HEATR4: variants seen among roughly 807,000 people sequenced by gnomAD.
The protein encoded by HEATR4 is HEAT repeat-containing protein 4.
Under a neutral mutation model 108.8 loss-of-function variants are expected in HEATR4, and 95 were observed. That is an observed-to-expected ratio of 0.87 (90% CI 0.74 to 1.04). The LOEUF (loss-of-function observed/expected upper bound fraction) is 1.04. HEATR4 is among the 50% of genes least tolerant of loss of function. The probability of loss-of-function intolerance (pLI) is 0.00; values close to 1 mark genes in which losing one functional copy is unlikely to be tolerated. For missense variants in HEATR4, 1,152 were observed against 1,253.8 expected (o/e 0.92, Z 1.23); for synonymous variants, 443 against 459.4 (o/e 0.96, Z 0.46).
At position 73,493,124 on chromosome 14, in the gene HEATR4, T is replaced by C; in HGVS notation, c.2786A>G (p.Asp929Gly). The C allele has an allele frequency of 1.2e-6, 2 of 1,612,826 alleles. No homozygotes were observed. The highest frequency in any genetic ancestry group is 1.7e-5 in the Admixed American group (1 of 59,774). The part of the protein sequence containing the change: ...LQTLLQETFQ[D>G]EMVLPRRPSE... ...AGGTCTTCTAGGAAGAACCATCTCA[T>C]CTAGGTACAAAAGGAAAAGGAGAAG... The change falls in exon 17 of 18, where the codon GAT becomes GGT. Residue 929 changes from aspartate to glycine, a missense_variant and splice_region_variant. Coordinates refer to ENST00000553558, the MANE Select transcript of HEATR4 (RefSeq NM_001220484.1).
the HEATR4 span, among the ~76,000 whole-genome samples, chr14:73,625,850 C>T: frequency 4.6e-5 from 7 of 152,148 alleles, no homozygotes; most frequent in Admixed American, 2.0e-4. Context: ...TGAGACAAAA[C>T]AATATTGGAA....
chr14:73,603,344 T>G, the HEATR4 span, among the ~76,000 whole-genome samples: 11 of 151,482 alleles, frequency 7.3e-5, no homozygotes, highest in East Asian at 3.9e-4. Context: ...CAATAATCTG[T>G]TTTTTTTGTT....
chr14:73,478,863 A>C (rs761592878), intron 17 of HEATR4, 21 bp from the exon 18 acceptor site: 7 of 1,564,508 alleles, frequency 4.5e-6, no homozygotes, highest in Non-Finnish European at 6.1e-6. Context: ...ACATGAAAAC[A>C]TGAGTGCATA....
chr14:73,590,274 A>G, the HEATR4 span, among the ~76,000 whole-genome samples: 5 of 152,160 alleles, frequency 3.3e-5, no homozygotes, highest in African/African-American at 1.2e-4. Context: ...TCCCCACTAG[A>G]TTAGCTAGAT....
chr14:73,508,915 G>A (rs1887024663), intron 8 of HEATR4, among the ~76,000 whole-genome samples: 1 of 151,834 alleles, frequency 6.6e-6, no homozygotes, highest in African/African-American at 2.4e-5. Context: ...GCACCATTGT[G>A]GCTTATTGCA....
chr14:73,579,966 T>TG, the HEATR4 span, among the ~76,000 whole-genome samples: 1 of 151,994 alleles, frequency 6.6e-6, no homozygotes, highest in South Asian at 2.1e-4. Context: ...CACATGGTGG[T>TG]GTGCACCTGT....
At chr14:73,478,865 G>T (rs1429878626) in intron 17 of HEATR4, 23 bp from the exon 18 acceptor site, 27 of 1,564,100 alleles carry the variant, frequency 1.7e-5, no homozygotes, top group Non-Finnish European at 2.4e-5. Context: ...ATGAAAACAT[G>T]AGTGCATATG....
intron 1 of HEATR4, chr14:73,541,673 A>G: frequency 8.0e-7 from 1 of 1,243,186 alleles, no homozygotes. Flanking sequence ...GAAGCTGTGA[A>G]CTACTTGCTC....
In HEATR4 at chr14:73,512,132, C is replaced by G. The variant is rs767885082; in HGVS notation, c.1432G>C (p.Glu478Gln). The part of the protein sequence containing the change: ...AWALIIEWHH[E>Q]TVENLLQSLG... ...CTCTGAAGCAGGTTCTCTACTGTCT[C>G]ATGGTGCCACTCTATGACTGAGCCG... Residue 478 changes from glutamate to glutamine, a missense_variant, in exon 7 of 18, where the codon GAG becomes CAG. Glu to Gln is a conservative substitution (Grantham distance 29). Coordinates refer to ENST00000553558, the MANE Select transcript of HEATR4 (RefSeq NM_001220484.1). The G allele has an allele frequency of 1.1e-5, 17 of 1,614,192 alleles. No homozygotes were observed. Among genetic ancestry groups the G allele is most frequent in the South Asian group, 7.7e-5 (7 of 91,080 alleles).
Position 73,520,898 on chromosome 14 carries a change from C to T in HEATR4, c.1023G>A (p.Lys341=). The part of the protein sequence containing the change: ...YFRQVTPRAG[K]FAYSTDNTFE... ...AGGTGTTGTCTGTGGAGTAGGCAAA[C>T]TTTCCAGCTCGGGGAGTCACCTGGC... is the stretch of plus-strand genomic sequence containing the variant. The change falls in exon 4 of 18, where the codon AAG becomes AAA. Residue 341 remains lysine (K), a synonymous_variant. Coordinates refer to ENST00000553558, the MANE Select transcript of HEATR4 (RefSeq NM_001220484.1). 1 of 1,614,066 alleles carries T rather than the reference C, an allele frequency of 6.2e-7. No homozygotes were observed. Among genetic ancestry groups the T allele is most frequent in the Middle Eastern group, 1.6e-4 (1 of 6,062 alleles).
rs954899302 is a variant in HEATR4, at chr14:73,534,749, AAC to A, written c.-151-4507_-151-4506del. On this transcript the variant is annotated intron_variant, in intron 1 of 17. Coordinates refer to ENST00000553558, the MANE Select transcript of HEATR4 (RefSeq NM_001220484.1). The stretch of plus-strand genomic sequence containing the variant: ...CATAAAACCTCAAGGCTCAAGAAAC[AAC>A]AGTTTGAAATAGTTAGATGTGTGTT... 2.6e-5 allele frequency among the ~76,000 whole-genome samples: 3 copies of A among 113,766 alleles called. 1 individual carries two copies. The highest frequency in any genetic ancestry group is 8.6e-5 in the African/African-American group (3 of 34,964). The allele number at this position is 113,766 out of a possible 152,430, so 74.6% of individuals were successfully genotyped here.
chr14:73,498,011 A>G (rs1886203763), intron 14 of HEATR4, 144 bp downstream of exon 14: 2 of 682,102 alleles, frequency 2.9e-6, no homozygotes, highest in Non-Finnish European at 4.9e-6. Flanking sequence ...TCAGTTACCT[A>G]CTTGGGTGAG....
chr14:73,586,496 G>A, the HEATR4 span, among the ~76,000 whole-genome samples: 1 of 152,038 alleles, frequency 6.6e-6, no homozygotes, highest in African/African-American at 2.4e-5. Context: ...CCTGAGGTCG[G>A]GAGTTGGAGA....
rs956555485 is a variant in HEATR4 at position 73,523,215 on chromosome 14, G to C, written c.-63C>G. On this transcript the variant is annotated 5_prime_UTR_variant, in exon 3 of 18. Coordinates refer to ENST00000553558, the MANE Select transcript of HEATR4 (RefSeq NM_001220484.1). ...GCCTAGAGGAAAGGCCTGGAGATGA[G>C]ACCTGGCACCTGTTAAGGGAATGGG... The C allele has an allele frequency of 4.8e-6, 7 of 1,460,810 alleles. 1 individual carries two copies. In the African/African-American group the frequency reaches 8.4e-5, roughly 18 times the overall value. 90.5% of individuals were successfully genotyped at this position (1,460,810 alleles called of 1,614,324 possible).
chr14:73,481,417 C>T (rs184240457), intron 17 of HEATR4, among the ~76,000 whole-genome samples: 224 of 151,354 alleles, frequency 1.5e-3, no homozygotes, highest in Non-Finnish European at 2.3e-3. Context: ...TCAACCTGGG[C>T]AACAAAGTGA....
At position 73,514,017 on chromosome 14, in the gene HEATR4, C is replaced by G. The variant is rs1194573351; in HGVS notation, c.1414+14G>C. ...TCACAAACGTACAGTATCACAGGAC[C>G]TCCCTTCACTCACTCAGAGCCCAGG... On this transcript the variant is annotated intron_variant, in intron 6 of 17. Transcript: ENST00000553558. 1.9e-6 allele frequency: 3 copies of G among 1,613,218 alleles called. No individual in the cohort carries two copies. Among genetic ancestry groups the G allele is most frequent in the Non-Finnish European group, 2.5e-6 (3 of 1,179,168 alleles).
At chr14:73,516,362 C>T (rs1893191736) in intron 5 of HEATR4, among the ~76,000 whole-genome samples, 1 of 85,274 alleles carries the variant, frequency 1.2e-5, no homozygotes, top group Admixed American at 1.2e-4. Flanking sequence ...CACACTTTGC[C>T]ATGTGACGCT....
chr14:73,574,392 G>T, the HEATR4 span: 3 of 194,390 alleles, frequency 1.5e-5, no homozygotes, highest in South Asian at 2.9e-4. Context: ...AGCCTCCCAC[G>T]TAGCTGTGAC....
intron 17 of HEATR4, among the ~76,000 whole-genome samples, chr14:73,490,147 C>CT (rs1885621747): frequency 6.6e-6 from 1 of 152,186 alleles, no homozygotes; most frequent in Non-Finnish European, 1.5e-5. Context: ...TTTTTTGAGA[C>CT]AAGAGTCTCA....
Sources: allele counts gnomAD v4.1 joint callset (sites outside exome capture counted in the v4.1 genomes callset), GRCh38; gene constraint gnomAD v4.1.1; transcripts MANE v1.5; gene names NCBI Gene and HGNC (gene_info 2026-07-23, HGNC 2026-07-21).